SLC12A1: variants seen among roughly 807,000 people sequenced by gnomAD.
The protein encoded by SLC12A1 is solute carrier family 12 member 1.
In SLC12A1, 89 loss-of-function variants were observed where a neutral mutation model predicts 130.4. That is an observed-to-expected ratio of 0.68 (90% CI 0.58 to 0.81). The LOEUF is 0.81. SLC12A1 is among the 40% of genes least tolerant of loss of function. SLC12A1 has a pLI of 0.00. For missense variants in SLC12A1, 1,310 were observed against 1,336.4 expected (o/e 0.98, Z 0.31); for synonymous variants, 499 against 460.0 (o/e 1.08, Z -1.09).
chr15:48,268,388 C>T (rs1484270960), intron 18 of SLC12A1, among the ~76,000 whole-genome samples: 1 of 152,088 alleles, frequency 6.6e-6, no homozygotes, highest in Non-Finnish European at 1.5e-5. Flanking sequence ...TAGAGCTTGG[C>T]TTTCCGAGCA....
At position 48,216,271 on chromosome 15, in the gene SLC12A1, T is replaced by C. The variant is rs145343196; in HGVS notation, c.421-4363T>C. Among the ~76,000 whole-genome samples the C allele has an allele frequency of 4.9e-3, 752 of 152,286 alleles. 1 individual carries two copies. The highest frequency in any genetic ancestry group is 8.5e-3 in the Non-Finnish European group (576 of 68,022). On this transcript the variant is annotated intron_variant, in intron 2 of 26. Coordinates refer to ENST00000380993, the MANE Select transcript of SLC12A1 (RefSeq NM_000338.3). ...TTTGCATCATATTGTGAAATCCTAG[T>C]GATAAATTGAAGAACCATTAAACTG...
chr15:48,251,788 T>C lies in SLC12A1; in HGVS notation c.1942+18T>C, dbSNP rs777571173. On this transcript the variant is annotated intron_variant, in intron 15 of 26. Coordinates refer to ENST00000380993, the MANE Select transcript of SLC12A1 (RefSeq NM_000338.3). Reference sequence around the variant, plus strand: ...GAAGCCAGGTAAGATAATGACTGTCTGGAATAGCGTTTCCAAATCTCTCTC... The same window carrying C: ...GAAGCCAGGTAAGATAATGACTGTCCGGAATAGCGTTTCCAAATCTCTCTC... The C allele has an allele frequency of 6.2e-7, 1 of 1,608,624 alleles. No individual in the cohort carries two copies. Among genetic ancestry groups the C allele is most frequent in the Non-Finnish European group, 8.5e-7 (1 of 1,176,194 alleles).
intron 20 of SLC12A1, among the ~76,000 whole-genome samples, chr15:48,276,784 G>A (rs576942916): frequency 3.9e-4 from 60 of 152,180 alleles, no homozygotes; most frequent in Non-Finnish European, 6.5e-4. Context: ...CCAAGGACTC[G>A]AAAGTGTAGG....
Position 48,247,353 on chromosome 15 carries a change from A to C in SLC12A1, c.1577A>C (p.Asn526Thr). The C allele has an allele frequency of 6.2e-7, 1 of 1,613,172 alleles. No individual in the cohort carries two copies. The highest frequency in any genetic ancestry group is 8.5e-7 in the Non-Finnish European group (1 of 1,179,682). ...PKVFQALCKD[N>T]IYKALQFFAK... ...TTCCATTAGGCTCTGTGCAAGGACAACATCTACAAAGCCCTGCAGTTTTTT... is the reference window on the plus strand; with the variant it reads ...TTCCATTAGGCTCTGTGCAAGGACACCATCTACAAAGCCCTGCAGTTTTTT... Residue 526 changes from asparagine (N) to threonine (T), a missense_variant, in exon 13 of 27, where the codon AAC (asparagine) becomes ACC (threonine). Transcript: ENST00000380993.
chr15:48,296,132 T>C (rs1271118746), intron 24 of SLC12A1, among the ~76,000 whole-genome samples: 1 of 152,184 alleles, frequency 6.6e-6, no homozygotes, highest in African/African-American at 2.4e-5. Context: ...CCTTACCTAC[T>C]GTTAACAACT....
intron 7 of SLC12A1, among the ~76,000 whole-genome samples, 189 bp from the exon 8 acceptor site, chr15:48,232,538 A>G (rs111265034): frequency 6.6e-6 from 1 of 152,234 alleles, no homozygotes; most frequent in Non-Finnish European, 1.5e-5. Context: ...TGGCATATAC[A>G]TCCAAGTAGA....
chr15:48,273,343 GCCT>G (rs1014230915), intron 19 of SLC12A1, among the ~76,000 whole-genome samples: 1 of 152,052 alleles, frequency 6.6e-6, no homozygotes, highest in Non-Finnish European at 1.5e-5. Flanking sequence ...CTCCTTTTAT[GCCT>G]CCTAATTTCA....
intron 2 of SLC12A1, among the ~76,000 whole-genome samples, chr15:48,210,259 T>C (rs963913776): frequency 6.6e-6 from 1 of 152,182 alleles, no homozygotes; most frequent in Admixed American, 6.5e-5. Flanking sequence ...AGTTCTTTTT[T>C]AAAAAGACCT....
Position 48,240,046 on chromosome 15 carries a change from TATCC to T in SLC12A1, c.1216-1466_1216-1463del, listed in dbSNP as rs1306752909. The stretch of plus-strand genomic sequence containing the variant: ...ATATATATCCATATATATATATATA[TATCC>T]ATATATATATATATATATATCCATA... On this transcript the variant is annotated intron_variant, in intron 9 of 26. Coordinates refer to ENST00000380993, the MANE Select transcript of SLC12A1 (RefSeq NM_000338.3). Among the ~76,000 whole-genome samples the T allele has an allele frequency of 4.5e-3, 62 of 13,684 alleles. 8 individuals carry two copies. Among genetic ancestry groups the T allele is most frequent in the Admixed American group, 0.019 (9 of 470 alleles). 9.0% of individuals were successfully genotyped at this position (13,684 alleles called of 152,430 possible). A position where few individuals can be genotyped will look rare whatever the true frequency, so the allele number is the denominator to read the frequency against.
At chr15:48,244,607 G>C (rs956939918) in intron 10 of SLC12A1, 146 bp from the exon 11 acceptor site, 3 of 720,862 alleles carry the variant, frequency 4.2e-6, no homozygotes, top group Non-Finnish European at 6.8e-6. Context: ...CAGCAGATGG[G>C]AGCCTCCAGT....
In SLC12A1 at chr15:48,303,253, G is replaced by A. The variant is rs1305173985; in HGVS notation, c.*368G>A. The A allele has an allele frequency of 3.6e-5, 6 of 165,984 alleles. No individual in the cohort carries two copies. Among genetic ancestry groups the A allele is most frequent in the African/African-American group, 7.2e-5 (3 of 41,634 alleles). The allele number at this position is 165,984 out of a possible 1,614,324, so 10.3% of individuals were successfully genotyped here. A position where few individuals can be genotyped will look rare whatever the true frequency, so the allele number is the denominator to read the frequency against. The stretch of plus-strand genomic sequence containing the variant: ...TTTTGTTTTGAGTGTTTGCTTCTCA[G>A]CCCTGGTATAGGTCTCAGCCCCACA... On this transcript the variant is annotated 3_prime_UTR_variant, in exon 27 of 27. Transcript: ENST00000380993.
In SLC12A1 at chr15:48,303,979, G is replaced by T. The variant is rs569820139; in HGVS notation, c.*1094G>T. On this transcript the variant is annotated 3_prime_UTR_variant, in exon 27 of 27. Transcript: ENST00000380993. ...CCAATGAAAATATTGATTTTCTGAT[G>T]AATGGCTTGATTTTTCTCCTTGACA... 2.6e-5 allele frequency: 4 copies of T among 152,244 alleles called. No homozygotes were observed. Among genetic ancestry groups the T allele is most frequent in the African/African-American group, 9.6e-5 (4 of 41,530 alleles). 9.4% of individuals were successfully genotyped at this position (152,244 alleles called of 1,614,324 possible). A position where few individuals can be genotyped will look rare whatever the true frequency, so the allele number is the denominator to read the frequency against.
intron 21 of SLC12A1, among the ~76,000 whole-genome samples, chr15:48,287,800 C>T (rs1395890590): frequency 1.3e-5 from 2 of 152,088 alleles, no homozygotes; most frequent in African/African-American, 4.8e-5. Flanking sequence ...TTAATAAAAA[C>T]TATTATTATA....
Position 48,235,609 on chromosome 15 carries a change from C to T in SLC12A1, c.1215+605C>T, listed in dbSNP as rs529803531. Among the ~76,000 whole-genome samples, 408 of 151,928 alleles carry T rather than the reference C, an allele frequency of 2.7e-3. 2 individuals are homozygous for T. The highest frequency in any genetic ancestry group is 9.3e-3 in the African/African-American group (384 of 41,452). On this transcript the variant is annotated intron_variant, in intron 9 of 26. Transcript: ENST00000380993. ...TTGCTTGAACCCAGGAGTTTGAGGCCGGCCTGGGCAACACAGCAAGACCCT... is the reference window on the plus strand; with the variant it reads ...TTGCTTGAACCCAGGAGTTTGAGGCTGGCCTGGGCAACACAGCAAGACCCT...
At chr15:48,220,092 C>A (rs1052324782) in intron 2 of SLC12A1, among the ~76,000 whole-genome samples, 3 of 121,892 alleles carry the variant, frequency 2.5e-5, no homozygotes, top group South Asian at 2.5e-4. Flanking sequence ...CTGAGTGACA[C>A]AGCAAGACTC....
At chr15:48,207,186 T>A (rs572781665) in intron 1 of SLC12A1, among the ~76,000 whole-genome samples, 23 of 152,320 alleles carry the variant, frequency 1.5e-4, no homozygotes, top group African/African-American at 5.0e-4. Flanking sequence ...CAGTGAACTG[T>A]GTCTTAGGCT....
rs1746938418 is a variant in SLC12A1 at position 48,232,812 on chromosome 15, A to G, written c.1061A>G (p.Lys354Arg). The change falls in exon 8 of 27, where the codon AAG becomes AGG. Residue 354 changes from lysine (K) to arginine (R), a missense_variant. Coordinates refer to ENST00000380993, the MANE Select transcript of SLC12A1 (RefSeq NM_000338.3). ...GTVIPSNNEK[K>R]SRGFFNYQAS... ...GTCATTCCATCCAACAATGAGAAAAAGTCCAGAGGTTTCTTTAATTACCAA... is the reference window on the plus strand; with the variant it reads ...GTCATTCCATCCAACAATGAGAAAAGGTCCAGAGGTTTCTTTAATTACCAA... The G allele has an allele frequency of 1.2e-6, 2 of 1,610,552 alleles. No homozygotes were observed. Among genetic ancestry groups the G allele is most frequent in the Non-Finnish European group, 1.7e-6 (2 of 1,177,172 alleles).
chr15:48,295,417 T>A (rs1446716453), intron 24 of SLC12A1, among the ~76,000 whole-genome samples: 1 of 152,178 alleles, frequency 6.6e-6, no homozygotes, highest in Non-Finnish European at 1.5e-5. Context: ...TGCATAGCCA[T>A]CCTTTCTGTC....
chr15:48,259,024 C>T (rs1276315530), intron 16 of SLC12A1, among the ~76,000 whole-genome samples, 176 bp from the exon 17 acceptor site: 1 of 152,188 alleles, frequency 6.6e-6, no homozygotes, highest in African/African-American at 2.4e-5. Flanking sequence ...ACTGAGAACA[C>T]AAACATGTCA....
Sources: gnomAD v4.1 joint callset for allele counts (sites outside exome capture counted in the v4.1 genomes callset) on GRCh38, gnomAD v4.1.1 for gene constraint, MANE v1.5 for transcripts, NCBI Gene and HGNC (gene_info 2026-07-23, HGNC 2026-07-21) for gene names.